The following HIVEP1 variants were observed in gnomAD, a reference collection of about 807,000 sequenced individuals.
HIVEP1 encodes the protein zinc finger protein 40.
HIVEP1 carries 36 observed loss-of-function variants against 180.0 expected under a neutral mutation model. The observed-to-expected ratio is 0.20, with a 90% CI of 0.15 to 0.26. The LOEUF is 0.26. Among genes scored for constraint, HIVEP1 ranks in the 10% least tolerant of loss-of-function variants. The probability of loss-of-function intolerance (pLI) is 1.00; values close to 1 mark genes in which losing one functional copy is unlikely to be tolerated. For missense variants in HIVEP1, 3,143 were observed against 3,268.7 expected (o/e 0.96, Z 0.94); for synonymous variants, 1,239 against 1,239.0 (o/e 1.00, Z 0.00).
chr6:12,133,368 C>T (rs1293483728), intron 6 of HIVEP1, among the ~76,000 whole-genome samples: 2 of 152,104 alleles, frequency 1.3e-5, no homozygotes, highest in African/African-American at 4.8e-5. Context: ...GAAACAAAAC[C>T]TCTCATGCTT....
Position 12,123,790 on chromosome 6 carries a change from C to A in HIVEP1, c.3995C>A (p.Ala1332Asp), listed in dbSNP as rs369348856. 5.6e-6 allele frequency: 9 copies of A among 1,614,046 alleles called. No homozygotes were observed. The highest frequency in any genetic ancestry group is 1.3e-5 in the African/African-American group (1 of 74,926). Residue 1332 changes from alanine (A) to aspartate (D), a missense_variant, in exon 4 of 9, where the codon GCT becomes GAT. Ala to Asp is a moderately radical substitution (Grantham distance 126). Coordinates refer to ENST00000379388, the MANE Select transcript of HIVEP1 (RefSeq NM_002114.4). ...LDIEDVSKTEASPKIDFLNKA... is the reference protein window; with the variant it reads ...LDIEDVSKTEDSPKIDFLNKA... ...ATAGAGGACGTTTCTAAAACGGAGGCTTCCCCCAAAATCGATTTTCTAAAT... is the reference window on the plus strand; with the variant it reads ...ATAGAGGACGTTTCTAAAACGGAGGATTCCCCCAAAATCGATTTTCTAAAT...
intron 7 of HIVEP1, among the ~76,000 whole-genome samples, chr6:12,151,572 G>A (rs563715229): frequency 2.6e-5 from 4 of 152,310 alleles, no homozygotes; most frequent in East Asian, 1.9e-4. Flanking sequence ...CAGTACAAGC[G>A]TCTTAACTTC....
At chr6:12,051,714 T>A (rs958585445) in intron 2 of HIVEP1, among the ~76,000 whole-genome samples, 2 of 86,856 alleles carry the variant, frequency 2.3e-5, no homozygotes, top group Non-Finnish European at 6.0e-5. Flanking sequence ...CATGAATGGG[T>A]ATTACTAAAA....
At position 12,120,860 on chromosome 6, in the gene HIVEP1, T is replaced by G; in HGVS notation, c.1065T>G (p.Ala355=). ...CTCAAAACCAGCAAATGGATTCTGCTTCACCTTTGTCAATAAGTCCGGCTA... is the reference window on the plus strand; with the variant it reads ...CTCAAAACCAGCAAATGGATTCTGCGTCACCTTTGTCAATAAGTCCGGCTA... The part of the protein sequence containing the change: ...VTPQNQQMDS[A]SPLSISPANS... Residue 355 remains alanine, a synonymous_variant, in exon 4 of 9, where the codon GCT becomes GCG. Transcript: ENST00000379388. 6.2e-7 allele frequency: 1 copy of G among 1,614,214 alleles called. No homozygotes were observed. Among genetic ancestry groups the G allele is most frequent in the East Asian group, 2.2e-5 (1 of 44,888 alleles).
At chr6:12,071,733 T>G (rs1238508478) in intron 2 of HIVEP1, among the ~76,000 whole-genome samples, 1 of 152,224 alleles carries the variant, frequency 6.6e-6, no homozygotes, top group Non-Finnish European at 1.5e-5. Context: ...CAGCCTAGTG[T>G]TTTAAGGCTT....
chr6:12,162,723 C>A (rs763690819), intron 8 of HIVEP1, among the ~76,000 whole-genome samples: 40 of 152,328 alleles, frequency 2.6e-4, no homozygotes, highest in Non-Finnish European at 5.1e-4. Context: ...CAGACACTTA[C>A]CAGTGCCTGG....
In HIVEP1 at chr6:12,124,358, G is replaced by A. The variant is rs375729469; in HGVS notation, c.4563G>A (p.Pro1521=). 29 of 1,613,810 alleles carry A rather than the reference G, an allele frequency of 1.8e-5. No individual in the cohort carries two copies. Among genetic ancestry groups the A allele is most frequent in the Admixed American group, 5.0e-5 (3 of 60,000 alleles). ...DINLLNQIHA[P]PSHQSTQLSL... ...ATTTGTTAAATCAAATCCATGCACC[G>A]CCTAGCCACCAGAGCACACAGCTAT... is the stretch of plus-strand genomic sequence containing the variant. Residue 1521 remains proline, a synonymous_variant, in exon 4 of 9, where the codon CCG becomes CCA. Coordinates refer to ENST00000379388, the MANE Select transcript of HIVEP1 (RefSeq NM_002114.4).
the HIVEP1 span, among the ~76,000 whole-genome samples, chr6:12,179,089 G>T: frequency 7.2e-4 from 109 of 152,286 alleles, 1 homozygote; most frequent in African/African-American, 2.5e-3. Context: ...ACAGGAAAAG[G>T]CATGGAATGA....
intron 3 of HIVEP1, among the ~76,000 whole-genome samples, chr6:12,100,660 C>T (rs1342823520): frequency 6.6e-6 from 1 of 152,076 alleles, no homozygotes; most frequent in Non-Finnish European, 1.5e-5. Flanking sequence ...TTCTGTAAAC[C>T]TAGTGTTTTA....
chr6:12,068,752 G>A (rs746656458), intron 2 of HIVEP1, among the ~76,000 whole-genome samples: 1 of 151,900 alleles, frequency 6.6e-6, no homozygotes, highest in Admixed American at 6.6e-5. Flanking sequence ...TTTTTATTTG[G>A]CTGTCCATAT....
downstream of HIVEP1, among the ~76,000 whole-genome samples, chr6:12,167,572 T>TTA (rs1760736629): frequency 2.3e-4 from 2 of 8,574 alleles, 1 homozygote; most frequent in Non-Finnish European, 2.1e-3. Flanking sequence ...TACATGCATG[T>TTA]TATATATACG....
At chr6:12,159,990 G>A (rs1760298491) in intron 7 of HIVEP1, among the ~76,000 whole-genome samples, 1 of 152,048 alleles carries the variant, frequency 6.6e-6, no homozygotes, top group African/African-American at 2.4e-5. Flanking sequence ...TAATATCTAG[G>A]CCATTTGGGA....
Position 12,147,795 on chromosome 6 carries a change from T to C in HIVEP1, c.6487+11903T>C, listed in dbSNP as rs1243854210. ...TGATTTTCCCTTGTGATATCCCGTT[T>C]TTTATGTCTATGTATAAATGTATAA... On this transcript the variant is annotated intron_variant, in intron 7 of 8. Coordinates refer to ENST00000379388, the MANE Select transcript of HIVEP1 (RefSeq NM_002114.4). 3.9e-5 allele frequency among the ~76,000 whole-genome samples: 6 copies of C among 152,332 alleles called. No homozygotes were observed. The East Asian group carries it at 1.2e-3, about 29-fold the overall frequency.
At chr6:12,010,587 C>A (rs749446), upstream of HIVEP1, among the ~76,000 whole-genome samples, 90,405 of 151,776 alleles carry the variant, frequency 0.6, 27,472 homozygotes, top group Middle Eastern at 0.68. Context: ...AAAGGGGAAA[C>A]CAGTTTAGTT....
chr6:12,206,602 G>A, the HIVEP1 span, among the ~76,000 whole-genome samples: 1 of 152,224 alleles, frequency 6.6e-6, no homozygotes, highest in East Asian at 1.9e-4. Flanking sequence ...AGGAAGCGTG[G>A]CCTTCCAAAC....
chr6:12,059,680 G>A (rs965855671), intron 2 of HIVEP1, among the ~76,000 whole-genome samples: 13 of 151,970 alleles, frequency 8.6e-5, no homozygotes, highest in African/African-American at 2.4e-4. Flanking sequence ...TTTCTGCTGT[G>A]GACTGAAACT....
chr6:12,079,445 ACTTT>A (rs1381005071), intron 2 of HIVEP1, among the ~76,000 whole-genome samples: 2 of 152,154 alleles, frequency 1.3e-5, no homozygotes, highest in Admixed American at 6.6e-5. Flanking sequence ...TGCACATTGA[ACTTT>A]TCCTTCCTTA....
At chr6:12,055,160 T>C (rs1581591482) in intron 2 of HIVEP1, among the ~76,000 whole-genome samples, 1 of 152,216 alleles carries the variant, frequency 6.6e-6, no homozygotes, top group African/African-American at 2.4e-5. Context: ...ACTTGAGGAA[T>C]CTAAACAGGA....
At chr6:12,036,881 C>T (rs2113661888) in intron 2 of HIVEP1, among the ~76,000 whole-genome samples, 1 of 152,318 alleles carries the variant, frequency 6.6e-6, no homozygotes, top group Non-Finnish European at 1.5e-5. Context: ...GCACTCCAGC[C>T]TGGGCAACAG....
Sources: gnomAD v4.1 joint callset for allele counts (sites outside exome capture counted in the v4.1 genomes callset) on GRCh38, gnomAD v4.1.1 for gene constraint, MANE v1.5 for transcripts, NCBI Gene and HGNC (gene_info 2026-07-23, HGNC 2026-07-21) for gene names.